MGMT: variants seen among roughly 807,000 people sequenced by gnomAD.
MGMT encodes the protein methylated-DNA--protein-cysteine methyltransferase.
In MGMT, 14 loss-of-function variants were observed where a neutral mutation model predicts 15.9. The ratio of observed to expected loss-of-function variants is 0.88; its 90% CI spans 0.58 to 1.37. MGMT has a LOEUF of 1.37. MGMT is among the 40% of genes most tolerant of loss of function. The pLI, the probability that MGMT is intolerant of heterozygous loss-of-function variation, is 0.00. For missense variants in MGMT, 282 were observed against 268.1 expected (o/e 1.05, Z -0.36); for synonymous variants, 130 against 118.2 (o/e 1.10, Z -0.65).
chr10:129,631,564 G>A (rs977333934), intron 2 of MGMT, among the ~76,000 whole-genome samples: 22 of 152,316 alleles, frequency 1.4e-4, no homozygotes, highest in South Asian at 6.2e-4. Context: ...GGCTCACGCC[G>A]GTAATCCCAA....
chr10:129,473,702 A>G lies in MGMT; in HGVS notation c.-13+6406A>G, dbSNP rs143731893. ...TGTAGCTAATGTTTTCTGAACATCAATGTGACCAAGTGTTGTCTTTAGCAT... is the reference window on the plus strand; with the variant it reads ...TGTAGCTAATGTTTTCTGAACATCAGTGTGACCAAGTGTTGTCTTTAGCAT... On this transcript the variant is annotated intron_variant, in intron 1 of 4. Coordinates refer to ENST00000651593, the MANE Select transcript of MGMT (RefSeq NM_002412.5). Among the ~76,000 whole-genome samples, 1,116 of 152,348 alleles carry G rather than the reference A, an allele frequency of 7.3e-3. 12 individuals are homozygous for G. Among genetic ancestry groups the G allele is most frequent in the African/African-American group, 0.025 (1,034 of 41,576 alleles).
chr10:129,580,391 A>T (rs552203709), intron 2 of MGMT, among the ~76,000 whole-genome samples: 3 of 152,350 alleles, frequency 2.0e-5, no homozygotes, highest in Non-Finnish European at 4.4e-5. Flanking sequence ...AAACTGAGGC[A>T]TGGAGAGGTG....
intron 2 of MGMT, among the ~76,000 whole-genome samples, chr10:129,598,190 G>A (rs751187515): frequency 6.6e-6 from 1 of 152,178 alleles, no homozygotes; most frequent in Non-Finnish European, 1.5e-5. Flanking sequence ...GAGCATCCCT[G>A]GTCGAGTGTG....
intron 2 of MGMT, among the ~76,000 whole-genome samples, chr10:129,681,460 G>A (rs1847851535): frequency 1.3e-5 from 2 of 152,160 alleles, no homozygotes; most frequent in African/African-American, 4.8e-5. Context: ...ACTCATCCTG[G>A]AAACTTGTCA....
chr10:129,587,549 G>T (rs1381465336), intron 2 of MGMT, among the ~76,000 whole-genome samples: 14 of 150,802 alleles, frequency 9.3e-5, no homozygotes. Context: ...GAGGGCAGTG[G>T]TGTGATCTTG....
intron 4 of MGMT, among the ~76,000 whole-genome samples, chr10:129,761,052 T>C (rs1848867229): frequency 6.6e-6 from 1 of 152,168 alleles, no homozygotes. Context: ...TACATGCCCC[T>C]CTGGAAGGCT....
intron 1 of MGMT, among the ~76,000 whole-genome samples, chr10:129,511,095 ACG>A (rs1845677605): frequency 6.9e-6 from 1 of 144,816 alleles, no homozygotes; most frequent in African/African-American, 2.7e-5. Flanking sequence ...AGACTCAGCC[ACG>A]TGCTTCATGT....
chr10:129,510,557 G>A (rs569568793), intron 1 of MGMT, among the ~76,000 whole-genome samples: 1 of 150,608 alleles, frequency 6.6e-6, no homozygotes, highest in South Asian at 2.1e-4. Context: ...ATGCATTGGG[G>A]GCTTGCTGGT....
chr10:129,563,073 G>T (rs1477663406), intron 2 of MGMT, among the ~76,000 whole-genome samples: 1 of 152,222 alleles, frequency 6.6e-6, no homozygotes, highest in Non-Finnish European at 1.5e-5. Flanking sequence ...CTGCCCAACT[G>T]TAGCTAATTC....
chr10:129,620,681 C>T (rs558642214), intron 2 of MGMT, among the ~76,000 whole-genome samples: 2 of 152,228 alleles, frequency 1.3e-5, no homozygotes, highest in African/African-American at 4.8e-5. Flanking sequence ...TACTCTTTTC[C>T]ATCCTTTTGC....
intron 1 of MGMT, among the ~76,000 whole-genome samples, chr10:129,519,475 G>A (rs568063143): frequency 2.0e-4 from 31 of 152,320 alleles, no homozygotes; most frequent in African/African-American, 6.3e-4. Context: ...GAAGCGGGGC[G>A]CACTTCCTCT....
In MGMT at chr10:129,589,938, G is replaced by T. The variant is rs61859897; in HGVS notation, c.125+53561G>T. Among the ~76,000 whole-genome samples the T allele has an allele frequency of 7.4e-3, 1,129 of 152,356 alleles. 4 individuals carry two copies. Among genetic ancestry groups the T allele is most frequent in the Non-Finnish European group, 0.011 (769 of 68,038 alleles). ...GAGCCCAAGGGAGGGGTCCCAGGTG[G>T]GTTGAGGCTGGAGATGGCCCAGGAA... On this transcript the variant is annotated intron_variant, in intron 2 of 4. Coordinates refer to ENST00000651593, the MANE Select transcript of MGMT (RefSeq NM_002412.5).
intron 1 of MGMT, among the ~76,000 whole-genome samples, chr10:129,487,950 C>CACAAACACACATAGGTGT (rs1471365395): frequency 7.0e-6 from 1 of 143,734 alleles, no homozygotes; most frequent in Non-Finnish European, 1.5e-5. Context: ...TATATACACA[C>CACAAACACACATAGGTGT]ACAAACACAC....
chr10:129,482,178 T>C (rs1204738675), intron 1 of MGMT, among the ~76,000 whole-genome samples: 1 of 152,198 alleles, frequency 6.6e-6, no homozygotes, highest in African/African-American at 2.4e-5. Flanking sequence ...TATTAGTACA[T>C]CATTTAATTT....
At chr10:129,635,951 T>C (rs1480037102) in intron 2 of MGMT, among the ~76,000 whole-genome samples, 1 of 152,230 alleles carries the variant, frequency 6.6e-6, no homozygotes, top group Non-Finnish European at 1.5e-5. Context: ...GTGTGTTCTC[T>C]ATGGCAAAAA....
At chr10:129,660,857 T>C (rs1354229889) in intron 2 of MGMT, among the ~76,000 whole-genome samples, 1 of 152,156 alleles carries the variant, frequency 6.6e-6, no homozygotes, top group Non-Finnish European at 1.5e-5. Context: ...CTGGGGAATG[T>C]TCGTATGTCA....
At chr10:129,637,940 G>C (rs1007894125) in intron 2 of MGMT, among the ~76,000 whole-genome samples, 1 of 152,214 alleles carries the variant, frequency 6.6e-6, no homozygotes, top group Non-Finnish European at 1.5e-5. Flanking sequence ...ATGGTATTTT[G>C]TTATGGCAGC....
At chr10:129,594,379 G>A (rs921174244) in intron 2 of MGMT, among the ~76,000 whole-genome samples, 7 of 152,138 alleles carry the variant, frequency 4.6e-5, no homozygotes, top group Non-Finnish European at 8.8e-5. Flanking sequence ...GAAGTTTCTT[G>A]GAAAGAGATT....
chr10:129,470,709 C>T (rs1845221127), intron 1 of MGMT, among the ~76,000 whole-genome samples: 2 of 152,172 alleles, frequency 1.3e-5, no homozygotes. Flanking sequence ...CTGGGAGCTG[C>T]CCATGCGGAT....
Sources: gnomAD v4.1 joint callset for allele counts (sites outside exome capture counted in the v4.1 genomes callset) on GRCh38, gnomAD v4.1.1 for gene constraint, MANE v1.5 for transcripts, NCBI Gene and HGNC (gene_info 2026-07-23, HGNC 2026-07-21) for gene names.